ATP10D: variants seen among roughly 807,000 people sequenced by gnomAD.
The protein encoded by ATP10D is phospholipid-transporting ATPase VD.
ATP10D carries 89 observed loss-of-function variants against 144.8 expected under a neutral mutation model. The ratio of observed to expected loss-of-function variants is 0.61; its 90% CI spans 0.52 to 0.73. ATP10D has a LOEUF of 0.73. ATP10D is among the 30% of genes least tolerant of loss of function. The pLI, the probability that ATP10D is intolerant of heterozygous loss-of-function variation, is 0.00. For synonymous variants in ATP10D, 571 were observed against 615.1 expected (o/e 0.93, Z 1.06); for missense variants, 1,603 against 1,714.8 (o/e 0.93, Z 1.15).
At chr4:47,586,226 TTTTC>T (rs1720782443) in intron 21 of ATP10D, among the ~76,000 whole-genome samples, 2 of 152,360 alleles carry the variant, frequency 1.3e-5, no homozygotes, top group South Asian at 2.1e-4. Flanking sequence ...CTCATTGTAC[TTTTC>T]TTTCTAGATA....
At chr4:47,517,165 C>T (rs776216716) in intron 3 of ATP10D, among the ~76,000 whole-genome samples, 4 of 152,040 alleles carry the variant, frequency 2.6e-5, no homozygotes, top group Non-Finnish European at 4.4e-5. Flanking sequence ...TGTAATCCCA[C>T]CACTTTGGGA....
intron 9 of ATP10D, among the ~76,000 whole-genome samples, chr4:47,537,747 C>G (rs1011652312): frequency 6.6e-6 from 1 of 152,074 alleles, no homozygotes; most frequent in Non-Finnish European, 1.5e-5. Flanking sequence ...TAGTTTTCTA[C>G]TATATGTGGT....
intron 1 of ATP10D, among the ~76,000 whole-genome samples, chr4:47,504,380 C>T (rs891662728): frequency 2.0e-5 from 3 of 152,154 alleles, no homozygotes; most frequent in African/African-American, 7.2e-5. Flanking sequence ...AGATATCAAA[C>T]CATCTTGATG....
chr4:47,528,404 T>G (rs1577649168), intron 5 of ATP10D, among the ~76,000 whole-genome samples: 1 of 151,942 alleles, frequency 6.6e-6, no homozygotes, highest in Non-Finnish European at 1.5e-5. Context: ...GCTCCATCCA[T>G]GTTGCTGCAA....
At chr4:47,499,016 G>A (rs1225233468) in intron 1 of ATP10D, among the ~76,000 whole-genome samples, 2 of 152,066 alleles carry the variant, frequency 1.3e-5, no homozygotes, top group African/African-American at 4.8e-5. Flanking sequence ...TTTTAAATGA[G>A]CACGTATCTG....
rs1197934661 is a variant in ATP10D at position 47,485,382 on chromosome 4, T to A, written c.-175T>A. 3 of 110,850 alleles carry A rather than the reference T, an allele frequency of 2.7e-5. No homozygotes were observed. The highest frequency in any genetic ancestry group is 9.0e-5 in the African/African-American group (3 of 33,288). 6.9% of individuals were successfully genotyped at this position (110,850 alleles called of 1,614,324 possible). ...CTGAGTTTGGGAGATGTCTAAGTGA[T>A]TTTTTTTTTTTCCCGGAAGGCAAAT... is the stretch of plus-strand genomic sequence containing the variant. On this transcript the variant is annotated 5_prime_UTR_variant, in exon 1 of 23. Coordinates refer to ENST00000273859, the MANE Select transcript of ATP10D (RefSeq NM_020453.4).
intron 9 of ATP10D, among the ~76,000 whole-genome samples, chr4:47,537,653 A>C (rs1289092244): frequency 1.3e-5 from 2 of 152,172 alleles, no homozygotes; most frequent in African/African-American, 4.8e-5. Flanking sequence ...ATGTAATAGT[A>C]CTATTTTTGT....
chr4:47,552,553 A>C (rs1157024128), intron 10 of ATP10D, among the ~76,000 whole-genome samples: 1 of 152,120 alleles, frequency 6.6e-6, no homozygotes, highest in Non-Finnish European at 1.5e-5. Context: ...CTCTTAACCT[A>C]ATTATCCCCA....
chr4:47,573,104 T>C (rs1204070438), intron 18 of ATP10D, 107 bp downstream of exon 18: 3 of 1,368,880 alleles, frequency 2.2e-6, no homozygotes, highest in Admixed American at 1.9e-5. Context: ...TCCTTATTGA[T>C]GTATTGGGAA....
intron 3 of ATP10D, among the ~76,000 whole-genome samples, chr4:47,522,391 A>G (rs1716993100): frequency 6.6e-6 from 1 of 152,218 alleles, no homozygotes. Flanking sequence ...TATCTGAATG[A>G]GCCCATCAAA....
intron 5 of ATP10D, among the ~76,000 whole-genome samples, chr4:47,532,257 C>G (rs1717608318): frequency 6.6e-6 from 1 of 152,160 alleles, no homozygotes; most frequent in Non-Finnish European, 1.5e-5. Flanking sequence ...AGAGCACTTA[C>G]CTAGTTCCAA....
At chr4:47,489,250 C>T (rs1181249019) in intron 1 of ATP10D, among the ~76,000 whole-genome samples, 1 of 152,106 alleles carries the variant, frequency 6.6e-6, no homozygotes, top group Non-Finnish European at 1.5e-5. Flanking sequence ...ATCACATTAA[C>T]AAACGTGGAC....
At chr4:47,513,542 G>A (rs1045472260) in intron 2 of ATP10D, among the ~76,000 whole-genome samples, 3 of 152,202 alleles carry the variant, frequency 2.0e-5, no homozygotes, top group South Asian at 2.1e-4. Context: ...ATAACAGAGG[G>A]TGGGTGAGAT....
At chr4:47,545,186 G>A (rs1334190327) in intron 9 of ATP10D, among the ~76,000 whole-genome samples, 1 of 152,174 alleles carries the variant, frequency 6.6e-6, no homozygotes, top group Non-Finnish European at 1.5e-5. Context: ...CTCAGGCAAG[G>A]GTGAGCTTGT....
chr4:47,568,835 A>G lies in ATP10D; in HGVS notation c.2854-2A>G, dbSNP rs1224793126. 1.2e-6 allele frequency: 2 copies of G among 1,609,110 alleles called. No individual in the cohort carries two copies. Among genetic ancestry groups the G allele is most frequent in the Non-Finnish European group, 8.5e-7 (1 of 1,176,500 alleles). On this transcript the variant is annotated splice_acceptor_variant, in intron 15 of 22. Coordinates refer to ENST00000273859, the MANE Select transcript of ATP10D (RefSeq NM_020453.4). LOFTEE classifies it high-confidence loss of function. ...CTAACCACCTTTGCCTCTTGTTTCA[A>G]GGATGCCTGTGGGATGCTGATGAGC... is the stretch of plus-strand genomic sequence containing the variant.
At chr4:47,542,817 T>C (rs912158109) in intron 9 of ATP10D, among the ~76,000 whole-genome samples, 1 of 152,190 alleles carries the variant, frequency 6.6e-6, no homozygotes, top group African/African-American at 2.4e-5. Flanking sequence ...GATTAAAGGT[T>C]GAGTCACTTC....
chr4:47,557,741 C>G lies in ATP10D; in HGVS notation c.1902C>G (p.Val634=). 6.2e-7 allele frequency: 1 copy of G among 1,614,146 alleles called. No homozygotes were observed. Among genetic ancestry groups the G allele is most frequent in the African/African-American group, 1.3e-5 (1 of 75,040 alleles). ...EIKSLFQRWS[V]RRSSSPSLNS... is the part of the protein sequence containing the mutation. ...AAAGTCTTTTCCAGAGATGGTCTGTCCGAAGATCAAGTTCTCCATCGCTTA... is the reference window on the plus strand; with the variant it reads ...AAAGTCTTTTCCAGAGATGGTCTGTGCGAAGATCAAGTTCTCCATCGCTTA... Residue 634 remains valine (V), a synonymous_variant, in exon 12 of 23, where the codon GTC becomes GTG. Transcript: ENST00000273859.
At chr4:47,562,424 C>G (rs73238603) in intron 14 of ATP10D, among the ~76,000 whole-genome samples, 7 of 152,052 alleles carry the variant, frequency 4.6e-5, no homozygotes, top group South Asian at 2.1e-4. Context: ...AAGTGGCCAA[C>G]AAACATGAAA....
intron 1 of ATP10D, among the ~76,000 whole-genome samples, chr4:47,485,951 C>G (rs1156376546): frequency 1.3e-5 from 2 of 152,118 alleles, no homozygotes; most frequent in Non-Finnish European, 2.9e-5. Flanking sequence ...TTTTGGTTAT[C>G]TGCCTCAAAG....
Sources: gnomAD v4.1 joint callset for allele counts (sites outside exome capture counted in the v4.1 genomes callset) on GRCh38, gnomAD v4.1.1 for gene constraint, MANE v1.5 for transcripts, NCBI Gene and HGNC (gene_info 2026-07-23, HGNC 2026-07-21) for gene names.